WDR27: variants seen among roughly 807,000 people sequenced by gnomAD.
WDR27 encodes WD repeat-containing protein 27.
In WDR27, 100 loss-of-function variants were observed where a neutral mutation model predicts 114.4. The observed-to-expected ratio is 0.87, with a 90% confidence interval of 0.74 to 1.03. WDR27 has a LOEUF of 1.03. WDR27 is among the 50% of genes least tolerant of loss of function. The pLI is 0.00. For missense variants in WDR27, 1,129 were observed against 1,092.9 expected, an observed-to-expected ratio of 1.03 and a Z score of -0.47; for synonymous variants, 449 against 423.1, an observed-to-expected ratio of 1.06 and a Z score of -0.75.
At chr6:169,587,854 A>G (rs1198416669) in intron 23 of WDR27, among the ~76,000 whole-genome samples, 3 of 152,082 alleles carry the variant, frequency 2.0e-5, no homozygotes, top group African/African-American at 7.2e-5. Flanking sequence ...TTTTTACACT[A>G]TTTCTTACAC....
chr6:169,636,058 A>G (rs1246214085), intron 19 of WDR27, among the ~76,000 whole-genome samples: 1 of 152,246 alleles, frequency 6.6e-6, no homozygotes, highest in Admixed American at 6.5e-5. Context: ...TTCATAATTT[A>G]ACTTTATGTT....
At chr6:169,478,605 T>A (rs1358366578) in intron 25 of WDR27, among the ~76,000 whole-genome samples, 2 of 152,136 alleles carry the variant, frequency 1.3e-5, no homozygotes, top group South Asian at 2.1e-4. Flanking sequence ...ACACACCTTA[T>A]GTGCCACAAC....
At chr6:169,701,518 C>T (rs1378662333) in intron 1 of WDR27, 33 bp downstream of exon 1, 1 of 155,962 alleles carries the variant, frequency 6.4e-6, no homozygotes, top group East Asian at 1.9e-4. Flanking sequence ...CTGAGTGCTC[C>T]TTATACACAG....
chr6:169,621,508 G>T (rs1813239642), intron 21 of WDR27, among the ~76,000 whole-genome samples: 2 of 149,434 alleles, frequency 1.3e-5, no homozygotes, highest in South Asian at 4.2e-4. Context: ...ACCCACACAT[G>T]CATTCACACA....
At chr6:169,518,758 C>T (rs1392975039) in intron 25 of WDR27, among the ~76,000 whole-genome samples, 1 of 152,212 alleles carries the variant, frequency 6.6e-6, no homozygotes, top group Non-Finnish European at 1.5e-5. Flanking sequence ...TGAATTCCTC[C>T]CCTGAAAATG....
intron 21 of WDR27, among the ~76,000 whole-genome samples, chr6:169,619,393 CT>C (rs11347604): frequency 0.022 from 3,388 of 152,232 alleles, 72 homozygotes; most frequent in East Asian, 0.088. Flanking sequence ...AAGAGTAAAA[CT>C]CTGTAAAATA....
intron 25 of WDR27, among the ~76,000 whole-genome samples, chr6:169,506,216 G>C (rs1791982075): frequency 6.6e-6 from 1 of 152,054 alleles, no homozygotes; most frequent in Non-Finnish European, 1.5e-5. Flanking sequence ...TTTTCCTTTT[G>C]ATGGGAGAAA....
chr6:169,502,045 T>G (rs1052565446), intron 25 of WDR27, among the ~76,000 whole-genome samples: 1 of 152,184 alleles, frequency 6.6e-6, no homozygotes. Context: ...TCCAATGCCC[T>G]GAACGGAGCC....
At position 169,506,886 on chromosome 6, in the gene WDR27, G is replaced by A. The variant is rs79542400; in HGVS notation, c.2646-49252C>T. On this transcript the variant is annotated intron_variant, in intron 25 of 25. Transcript: ENST00000448612. ...GATTAGGAATCCATTCATTAATTTG[G>A]TATAACTGAATGTGTACCTTTATTA... 2.3e-3 allele frequency among the ~76,000 whole-genome samples: 357 copies of A among 152,222 alleles called. 3 individuals carry two copies. Among genetic ancestry groups the A allele is most frequent in the African/African-American group, 8.2e-3 (342 of 41,544 alleles).
intron 17 of WDR27, 40 bp downstream of exon 17, chr6:169,643,657 T>G: frequency 6.4e-7 from 1 of 1,557,574 alleles, no homozygotes; most frequent in East Asian, 2.3e-5. Context: ...GTGAGACCCA[T>G]CCTTAAGTTC....
chr6:169,659,199 G>A lies in WDR27; in HGVS notation c.1206C>T (p.Cys402=). The change falls in exon 12 of 26, where the codon TGC becomes TGT. Residue 402 remains cysteine (C), a synonymous_variant. Coordinates refer to ENST00000448612, the MANE Select transcript of WDR27 (RefSeq NM_182552.5). This position sits in a 1 kb window ranked among gnomAD's most constrained non-coding sequence, Gnocchi z 4.3. The part of the protein sequence containing the change: ...RNRTADQKVL[C]LLASLFGGKI... ...TCCCGCCAAAGAGGGAGGCCAGCAA[G>A]CACAGCACCTGCAGGGACGCGGTTT... The A allele has an allele frequency of 6.2e-7, 1 of 1,601,542 alleles. No individual in the cohort carries two copies. The highest frequency in any genetic ancestry group is 8.5e-7 in the Non-Finnish European group (1 of 1,175,448).
Position 169,525,964 on chromosome 6 carries a change from G to A in WDR27, c.2645+46455C>T, listed in dbSNP as rs569177631. 2.0e-5 allele frequency among the ~76,000 whole-genome samples: 3 copies of A among 152,298 alleles called. No individual in the cohort carries two copies. The East Asian group carries it at 5.8e-4, about 29-fold the overall frequency. On this transcript the variant is annotated intron_variant, in intron 25 of 25. Coordinates refer to ENST00000448612, the MANE Select transcript of WDR27 (RefSeq NM_182552.5). The stretch of plus-strand genomic sequence containing the variant: ...TAGATGGAACTGGAAGTCACTCAGT[G>A]AAACAAGCCAGACACAAAAAGATAA...
At chr6:169,512,964 A>G (rs1391762153) in intron 25 of WDR27, among the ~76,000 whole-genome samples, 1 of 152,246 alleles carries the variant, frequency 6.6e-6, no homozygotes, top group African/African-American at 2.4e-5. Flanking sequence ...ACTGCTTAAG[A>G]AAATATACTT....
intron 25 of WDR27, among the ~76,000 whole-genome samples, chr6:169,561,828 TCAAA>T (rs1246721839): frequency 3.9e-5 from 6 of 152,250 alleles, no homozygotes; most frequent in Non-Finnish European, 7.4e-5. Context: ...GAAATGCACT[TCAAA>T]CAAAGAGACC....
At chr6:169,595,911 T>G (rs1026072303) in intron 23 of WDR27, among the ~76,000 whole-genome samples, 2 of 152,104 alleles carry the variant, frequency 1.3e-5, no homozygotes. Context: ...ACTCAGATTC[T>G]CTTTTTGAGT....
downstream of WDR27, among the ~76,000 whole-genome samples, chr6:169,453,050 C>T (rs1206466033): frequency 6.6e-6 from 1 of 152,224 alleles, no homozygotes; most frequent in Non-Finnish European, 1.5e-5. Flanking sequence ...AGGGCACGGC[C>T]CCCAGGCCTA....
In WDR27 at chr6:169,635,148, A is replaced by G. The variant is rs573711053; in HGVS notation, c.2004-623T>C. Among the ~76,000 whole-genome samples, 67 of 152,092 alleles carry G rather than the reference A, an allele frequency of 4.4e-4. 1 individual carries two copies. In the East Asian group the frequency reaches 0.012, roughly 28 times the overall value. Reference sequence around the variant, plus strand: ...TTTGGGAGGCCGAGGCGGGCAGATCACGAGGTCAGGAGTTCGAGACCAGCC... The same window carrying G: ...TTTGGGAGGCCGAGGCGGGCAGATCGCGAGGTCAGGAGTTCGAGACCAGCC... On this transcript the variant is annotated intron_variant, in intron 19 of 25. Transcript: ENST00000448612.
intron 25 of WDR27, among the ~76,000 whole-genome samples, chr6:169,474,771 G>A (rs1220722716): frequency 6.6e-6 from 1 of 152,126 alleles, no homozygotes; most frequent in African/African-American, 2.4e-5. Flanking sequence ...AGAGCAAAAT[G>A]AGTTCCAGGA....
the WDR27 span, among the ~76,000 whole-genome samples, chr6:169,430,313 GT>G: frequency 4.6e-5 from 7 of 152,212 alleles, no homozygotes; most frequent in Non-Finnish European, 1.0e-4. Flanking sequence ...GCCCCACAGT[GT>G]AGTAGGAGCT....
Sources: allele counts gnomAD v4.1 joint callset (sites outside exome capture counted in the v4.1 genomes callset), GRCh38; gene constraint gnomAD v4.1.1; non-coding constraint Gnocchi (gnomAD v3.1); transcripts MANE v1.5; gene names NCBI Gene and HGNC (gene_info 2026-07-23, HGNC 2026-07-21).